Variants in DPP10 observed in about 807,000 individuals in gnomAD.
DPP10 encodes dipeptidyl peptidase like 10, also known as inactive dipeptidyl peptidase 10.
A neutral mutation model predicts 120.9 loss-of-function variants in DPP10; 33 were observed. That is an observed-to-expected ratio of 0.27 (90% CI 0.21 to 0.37). DPP10 has a LOEUF of 0.37. Ranked by LOEUF, DPP10 falls within the 10% of genes least tolerant of loss-of-function variation. The probability of loss-of-function intolerance (pLI) is 1.00; values close to 1 mark genes in which losing one functional copy is unlikely to be tolerated. For missense variants in DPP10, 816 were observed against 942.8 expected (o/e 0.87, Z 1.76); for synonymous variants, 337 against 326.1 (o/e 1.03, Z -0.36).
At chr2:115,584,795 T>TAATG (rs551133786) in intron 5 of DPP10, among the ~76,000 whole-genome samples, 50 of 152,224 alleles carry the variant, frequency 3.3e-4, no homozygotes, top group Non-Finnish European at 5.9e-4. Context: ...TGGTTCTTAC[T>TAATG]AATGGTACAT....
chr2:114,464,629 C>T (rs1427556538), intron 1 of DPP10, among the ~76,000 whole-genome samples: 1 of 151,844 alleles, frequency 6.6e-6, no homozygotes, highest in Non-Finnish European at 1.5e-5. Context: ...TCTTTTTGTC[C>T]ATGGTTATAT....
At chr2:115,608,808 A>G (rs1237379413) in intron 5 of DPP10, among the ~76,000 whole-genome samples, 4 of 152,234 alleles carry the variant, frequency 2.6e-5, no homozygotes, top group Non-Finnish European at 5.9e-5. Flanking sequence ...TGAAATTTTA[A>G]AAATTCTTTT....
chr2:115,107,043 C>T (rs2048981797), intron 1 of DPP10, among the ~76,000 whole-genome samples: 1 of 151,242 alleles, frequency 6.6e-6, no homozygotes, highest in African/African-American at 2.4e-5. Flanking sequence ...CCACTGCACT[C>T]CAGCCTGGGC....
intron 1 of DPP10, among the ~76,000 whole-genome samples, chr2:114,731,486 C>T (rs1173605075): frequency 1.3e-5 from 2 of 152,106 alleles, no homozygotes; most frequent in African/African-American, 4.8e-5. Flanking sequence ...TACAGTGTAC[C>T]TTCCGTGGGA....
At chr2:115,437,077 C>A (rs1362261040) in intron 3 of DPP10, among the ~76,000 whole-genome samples, 1 of 151,912 alleles carries the variant, frequency 6.6e-6, no homozygotes, top group East Asian at 1.9e-4. Flanking sequence ...TAATTACACA[C>A]CAAAGGAATG....
intron 1 of DPP10, among the ~76,000 whole-genome samples, chr2:114,977,602 C>T (rs1349632311): frequency 6.6e-6 from 1 of 152,100 alleles, no homozygotes; most frequent in Non-Finnish European, 1.5e-5. Flanking sequence ...AGTCAGCAAC[C>T]TCCCACACCT....
intron 1 of DPP10, among the ~76,000 whole-genome samples, chr2:114,531,129 C>T (rs1224855787): frequency 6.6e-6 from 1 of 152,072 alleles, no homozygotes; most frequent in Non-Finnish European, 1.5e-5. Context: ...CTTCCTCAAA[C>T]ATGTATTAAG....
intron 3 of DPP10, among the ~76,000 whole-genome samples, chr2:115,485,902 A>T (rs1005534980): frequency 2.0e-5 from 3 of 152,098 alleles, no homozygotes; most frequent in Admixed American, 2.0e-4. Flanking sequence ...ATGTCAACTG[A>T]GAGTGTTAAG....
chr2:114,677,848 T>C (rs59873976), intron 1 of DPP10, among the ~76,000 whole-genome samples: 1,937 of 152,240 alleles, frequency 0.013, 12 homozygotes, highest in Middle Eastern at 0.027. Context: ...TCTAGCCTGA[T>C]TGAGATTCAT....
At chr2:114,840,900 G>T (rs1688107101) in intron 1 of DPP10, among the ~76,000 whole-genome samples, 1 of 152,044 alleles carries the variant, frequency 6.6e-6, no homozygotes, top group Non-Finnish European at 1.5e-5. Context: ...ATCCATCCCT[G>T]CCTCTGTTCC....
chr2:115,430,002 G>C (rs2070827649), intron 3 of DPP10, among the ~76,000 whole-genome samples: 1 of 152,160 alleles, frequency 6.6e-6, no homozygotes, highest in Non-Finnish European at 1.5e-5. Context: ...GTTCGTTTTG[G>C]AGGCCTTGGA....
chr2:115,374,994 G>A (rs1216062268), intron 3 of DPP10, among the ~76,000 whole-genome samples: 1 of 152,192 alleles, frequency 6.6e-6, no homozygotes, highest in Non-Finnish European at 1.5e-5. Context: ...CCATTGTCTT[G>A]GCTGTTAACA....
rs796803603 is a variant in DPP10 at position 115,406,822 on chromosome 2, CA to C, written c.271+62911del. On this transcript the variant is annotated intron_variant, in intron 3 of 25. Transcript: ENST00000410059. The stretch of plus-strand genomic sequence containing the variant: ...ACAAAATTGAAAAAACAGAAATGGA[CA>C]TTTCAACAAATATAATTGTGATTTC... Among the ~76,000 whole-genome samples, 5 of 152,082 alleles carry C rather than the reference CA, an allele frequency of 3.3e-5. 1 individual carries two copies. Among genetic ancestry groups the C allele is most frequent in the African/African-American group, 1.2e-4 (5 of 41,484 alleles).
intron 3 of DPP10, among the ~76,000 whole-genome samples, chr2:115,484,359 C>A (rs924058062): frequency 6.6e-6 from 1 of 151,926 alleles, no homozygotes; most frequent in Non-Finnish European, 1.5e-5. Context: ...CAACTTTGAT[C>A]ATTTTCTGTC....
intron 1 of DPP10, among the ~76,000 whole-genome samples, chr2:115,213,879 T>G (rs1377230705): frequency 2.0e-5 from 3 of 152,174 alleles, no homozygotes; most frequent in African/African-American, 7.2e-5. Flanking sequence ...TAGGCACATT[T>G]AAGAGATTTA....
chr2:115,516,151 G>A (rs2077493573), intron 4 of DPP10, among the ~76,000 whole-genome samples: 1 of 152,100 alleles, frequency 6.6e-6, no homozygotes, highest in South Asian at 2.1e-4. Flanking sequence ...GCACAGTTGA[G>A]GAGATCAGCA....
At chr2:115,197,122 G>A (rs1049124047) in intron 1 of DPP10, among the ~76,000 whole-genome samples, 1 of 152,126 alleles carries the variant, frequency 6.6e-6, no homozygotes, top group African/African-American at 2.4e-5. Flanking sequence ...GGCCGGGAGG[G>A]GTGGCTCACG....
At chr2:114,941,496 T>C (rs1219290812) in intron 1 of DPP10, among the ~76,000 whole-genome samples, 1 of 152,194 alleles carries the variant, frequency 6.6e-6, no homozygotes, top group Non-Finnish European at 1.5e-5. Flanking sequence ...AAGATTATTT[T>C]CTAGGTATTA....
chr2:114,622,540 G>A (rs1694180440), intron 1 of DPP10, among the ~76,000 whole-genome samples: 1 of 151,834 alleles, frequency 6.6e-6, no homozygotes, highest in Non-Finnish European at 1.5e-5. Context: ...TTTCTTTGTA[G>A]GACTGTCCCA....
Sources: gnomAD v4.1 joint callset for allele counts (sites outside exome capture counted in the v4.1 genomes callset) on GRCh38, gnomAD v4.1.1 for gene constraint, MANE v1.5 for transcripts, NCBI Gene and HGNC (gene_info 2026-07-23, HGNC 2026-07-21) for gene names.